The following ASTN1 variants were observed in gnomAD, a reference collection of about 807,000 sequenced individuals.
The protein encoded by ASTN1 is astrotactin-1.
Under a neutral mutation model 140.7 loss-of-function variants are expected in ASTN1, and 41 were observed. The observed-to-expected ratio is 0.29, with a 90% CI of 0.23 to 0.38. The LOEUF (loss-of-function observed/expected upper bound fraction) is 0.38, where lower values mean the gene tolerates loss of function less well. Ranked by LOEUF, ASTN1 falls within the 10% of genes least tolerant of loss-of-function variation. The pLI is 1.00. For missense variants in ASTN1, 1,479 were observed against 1,678.8 expected, an observed-to-expected ratio of 0.88 and a Z score of 2.08; for synonymous variants, 640 against 652.2, an observed-to-expected ratio of 0.98 and a Z score of 0.29.
intron 1 of ASTN1, among the ~76,000 whole-genome samples, chr1:177,100,786 C>T (rs1375432022): frequency 6.6e-6 from 1 of 152,142 alleles, no homozygotes; most frequent in Non-Finnish European, 1.5e-5. Flanking sequence ...ACTAACATAA[C>T]CGTTCCTTTA....
intron 1 of ASTN1, among the ~76,000 whole-genome samples, chr1:177,119,389 T>C (rs1342823868): frequency 1.3e-5 from 2 of 152,236 alleles, no homozygotes; most frequent in African/African-American, 2.4e-5. Flanking sequence ...TTAATGTTAA[T>C]AATCCAGGAA....
intron 7 of ASTN1, among the ~76,000 whole-genome samples, chr1:177,017,700 G>C (rs1234069487): frequency 1.3e-5 from 2 of 152,176 alleles, no homozygotes; most frequent in Admixed American, 6.5e-5. Context: ...GCCAGACAGA[G>C]TGTGCCCTGC....
chr1:176,935,765 CT>C (rs1378985757), intron 15 of ASTN1, among the ~76,000 whole-genome samples: 1 of 150,698 alleles, frequency 6.6e-6, no homozygotes, highest in Non-Finnish European at 1.5e-5. Flanking sequence ...CTCTCTTTCT[CT>C]CTCTCTCTCT....
intron 1 of ASTN1, among the ~76,000 whole-genome samples, chr1:177,150,473 T>A (rs1682980258): frequency 6.6e-6 from 1 of 152,096 alleles, no homozygotes; most frequent in Non-Finnish European, 1.5e-5. Context: ...AATTGAGGAT[T>A]CTAATAAAAA....
At chr1:176,947,308 T>A (rs36055303) in intron 12 of ASTN1, among the ~76,000 whole-genome samples, 1 of 152,194 alleles carries the variant, frequency 6.6e-6, no homozygotes, top group African/African-American at 2.4e-5. Context: ...TATTACTATT[T>A]GTAGAAGTAG....
rs1248803296 is a variant in ASTN1 at position 176,872,879 on chromosome 1, C to A, written c.3463+3658G>T. On this transcript the variant is annotated intron_variant, in intron 21 of 22. Coordinates refer to ENST00000361833, the MANE Select transcript of ASTN1 (RefSeq NM_004319.3). ...AATTCTACCCTCTGCACCTCCTATC[C>A]CACAGCCCTCCTTATGTATCTCCAT... is the stretch of plus-strand genomic sequence containing the variant. Among the ~76,000 whole-genome samples, 3 of 152,144 alleles carry A rather than the reference C, an allele frequency of 2.0e-5. No homozygotes were observed. The East Asian group carries it at 5.8e-4, about 29-fold the overall frequency.
intron 2 of ASTN1, among the ~76,000 whole-genome samples, chr1:177,053,424 G>A (rs1242723566): frequency 6.6e-6 from 1 of 152,218 alleles, no homozygotes; most frequent in Admixed American, 6.5e-5. Flanking sequence ...CTGAAAAGGA[G>A]TGGAAAAGAT....
At chr1:176,966,538 A>G (rs1672894934) in intron 8 of ASTN1, among the ~76,000 whole-genome samples, 1 of 152,208 alleles carries the variant, frequency 6.6e-6, no homozygotes, top group Non-Finnish European at 1.5e-5. Flanking sequence ...ATTGACACAT[A>G]AGCACAAAGT....
At chr1:177,055,378 G>A (rs1677750217) in intron 2 of ASTN1, among the ~76,000 whole-genome samples, 1 of 152,242 alleles carries the variant, frequency 6.6e-6, no homozygotes, top group Non-Finnish European at 1.5e-5. Context: ...ATGTTTGTAA[G>A]CCAAACCTTA....
At chr1:177,067,943 C>G (rs953002507) in intron 1 of ASTN1, among the ~76,000 whole-genome samples, 2 of 152,072 alleles carry the variant, frequency 1.3e-5, no homozygotes, top group Non-Finnish European at 2.9e-5. Context: ...GCCATAGGGA[C>G]CATCTGGTAC....
intron 1 of ASTN1, among the ~76,000 whole-genome samples, chr1:177,076,292 A>AAAAAAAG (rs1553253135): frequency 8.7e-5 from 13 of 149,762 alleles, no homozygotes; most frequent in African/African-American, 2.9e-4. Context: ...AAAAAAAAAA[A>AAAAAAAG]AAAGAAAGAA....
chr1:177,111,141 C>T (rs1341220982), intron 1 of ASTN1, among the ~76,000 whole-genome samples: 2 of 152,188 alleles, frequency 1.3e-5, no homozygotes, highest in Non-Finnish European at 2.9e-5. Context: ...TTAAGCCCCT[C>T]TTCTTTGCCA....
chr1:177,011,662 C>A (rs1675297617), intron 8 of ASTN1, among the ~76,000 whole-genome samples: 1 of 150,202 alleles, frequency 6.7e-6, no homozygotes, highest in Non-Finnish European at 1.5e-5. Flanking sequence ...CACACACACA[C>A]CACACACACA....
In ASTN1 at chr1:176,863,446, G is replaced by GT. The variant is rs1470865860; in HGVS notation, c.*837dup. On this transcript the variant is annotated 3_prime_UTR_variant, in exon 23 of 23. Coordinates refer to ENST00000361833, the MANE Select transcript of ASTN1 (RefSeq NM_004319.3). ...GAGAAGTCTATCCAAAGGAAGCATGGTTTTTTTAAAAAACAATAAACTCCA... is the reference window on the plus strand; with the variant it reads ...GAGAAGTCTATCCAAAGGAAGCATGGTTTTTTTTAAAAAACAATAAACTCCA... 6.1e-6 allele frequency: 6 copies of GT among 985,630 alleles called. No individual in the cohort carries two copies. Among genetic ancestry groups the GT allele is most frequent in the Admixed American group, 6.2e-5 (1 of 16,252 alleles). 61.1% of individuals were successfully genotyped at this position (985,630 alleles called of 1,614,324 possible). A position where few individuals can be genotyped will look rare whatever the true frequency, so the allele number is the denominator to read the frequency against.
Position 177,068,572 on chromosome 1 carries a change from T to C in ASTN1, c.284-7307A>G, listed in dbSNP as rs112078634. The stretch of plus-strand genomic sequence containing the variant: ...ACAGGAAGCCTGGAGAATGGGAGTG[T>C]TGTAAGCTCCCTGGAGCTCACTTTC... On this transcript the variant is annotated intron_variant, in intron 1 of 22. Coordinates refer to ENST00000361833, the MANE Select transcript of ASTN1 (RefSeq NM_004319.3). Among the ~76,000 whole-genome samples the C allele has an allele frequency of 8.9e-3, 1,350 of 152,248 alleles. 30 individuals carry two copies. The highest frequency in any genetic ancestry group is 0.031 in the African/African-American group (1,275 of 41,534).
At chr1:177,015,367 A>G (rs1675495215) in intron 7 of ASTN1, among the ~76,000 whole-genome samples, 1 of 152,214 alleles carries the variant, frequency 6.6e-6, no homozygotes, top group Non-Finnish European at 1.5e-5. Flanking sequence ...GCTTGTAGAC[A>G]GCTTGTAAGT....
chr1:176,966,850 T>A (rs1228664209), intron 8 of ASTN1, among the ~76,000 whole-genome samples: 1 of 152,018 alleles, frequency 6.6e-6, no homozygotes, highest in African/African-American at 2.4e-5. Context: ...TATATCATTA[T>A]AAATTTTTCT....
At chr1:177,063,022 G>A (rs79939227) in intron 1 of ASTN1, among the ~76,000 whole-genome samples, 1,747 of 152,256 alleles carry the variant, frequency 0.011, 22 homozygotes, top group Non-Finnish European at 0.02. Flanking sequence ...TGATGATACT[G>A]GTAATGGGTT....
chr1:177,075,566 T>C (rs1179316701), intron 1 of ASTN1, among the ~76,000 whole-genome samples: 1 of 151,962 alleles, frequency 6.6e-6, no homozygotes, highest in Non-Finnish European at 1.5e-5. Context: ...GGAGAAAGCT[T>C]CAGGCACGAA....
Sources: allele counts gnomAD v4.1 joint callset (sites outside exome capture counted in the v4.1 genomes callset), GRCh38; gene constraint gnomAD v4.1.1; transcripts MANE v1.5; gene names NCBI Gene and HGNC (gene_info 2026-07-23, HGNC 2026-07-21).